Variants in ARHGEF15 observed in about 807,000 individuals in gnomAD.
ARHGEF15 encodes the protein Rho guanine nucleotide exchange factor 15.
A neutral mutation model predicts 79.7 loss-of-function variants in ARHGEF15; 58 were observed. The ratio of observed to expected loss-of-function variants is 0.73; its 90% CI spans 0.59 to 0.91. ARHGEF15 has a LOEUF of 0.91. ARHGEF15 is among the 40% of genes least tolerant of loss of function. The probability of loss-of-function intolerance (pLI) is 0.00; values close to 1 mark genes in which losing one functional copy is unlikely to be tolerated. For synonymous variants in ARHGEF15, 442 were observed against 456.0 expected (o/e 0.97, Z 0.39); for missense variants, 1,012 against 1,108.1 (o/e 0.91, Z 1.23).
In ARHGEF15 at chr17:8,318,755, G is replaced by T; in HGVS notation, c.1878G>T (p.Leu626=). Residue 626 remains leucine, a synonymous_variant, in exon 12 of 16, where the codon CTG becomes CTT. Coordinates refer to ENST00000361926, the MANE Select transcript of ARHGEF15 (RefSeq NM_173728.4). This position sits in a 1 kb window ranked among gnomAD's most constrained non-coding sequence, Gnocchi z 5.0. ...CTGCCTCCGCTTCCTCGCAGGCCCT[G>T]CCCCTGGTCTCCTGGTCACGGCGCC... The part of the protein sequence containing the change: ...QRLRFHKVKA[L]PLVSWSRRLE... The T allele has an allele frequency of 6.2e-7, 1 of 1,612,818 alleles. No individual in the cohort carries two copies. The highest frequency in any genetic ancestry group is 8.5e-7 in the Non-Finnish European group (1 of 1,179,758).
At chr17:8,314,401 T>C (rs1167940650) in intron 4 of ARHGEF15, among the ~76,000 whole-genome samples, 1 of 152,000 alleles carries the variant, frequency 6.6e-6, no homozygotes, top group Non-Finnish European at 1.5e-5. Context: ...GCAGGGGAGA[T>C]AAGGGGCTGC....
At chr17:8,320,211 C>T (rs1010513676) in intron 15 of ARHGEF15, among the ~76,000 whole-genome samples, 5 of 150,516 alleles carry the variant, frequency 3.3e-5, no homozygotes, top group African/African-American at 7.4e-5. Context: ...AGGAGGCAGA[C>T]GATAAAGAAT....
rs1460173209 is a variant in ARHGEF15 at position 8,314,973 on chromosome 17, C to G, written c.1048+9C>G. On this transcript the variant is annotated intron_variant, in intron 5 of 15. Transcript: ENST00000361926. ...GCTGCCCCTGCAGGATGGTGAGGGC[C>G]TCTGGACCTGAGGGTCCCTGCTGTG... 33 of 1,613,896 alleles carry G rather than the reference C, an allele frequency of 2.0e-5. No individual in the cohort carries two copies. The highest frequency in any genetic ancestry group is 2.7e-5 in the Non-Finnish European group (32 of 1,179,978).
rs1405270685 is a variant in ARHGEF15 at position 8,322,176 on chromosome 17, A to T, written c.*1183A>T. The T allele has an allele frequency of 1.0e-4, 16 of 152,708 alleles. No homozygotes were observed. Among genetic ancestry groups the T allele is most frequent in the African/African-American group, 3.9e-4 (16 of 41,464 alleles). 9.5% of individuals were successfully genotyped at this position (152,708 alleles called of 1,614,324 possible). On this transcript the variant is annotated 3_prime_UTR_variant, in exon 16 of 16. Coordinates refer to ENST00000361926, the MANE Select transcript of ARHGEF15 (RefSeq NM_173728.4). ...ACACTGGGCCAAACAGTGGGGAGAG[A>T]TTGGAGAGCGGGTGTGGCTGCCCAA...
chr17:8,319,604 G>T lies in ARHGEF15; in HGVS notation c.2374+1G>T. ...AAACACCTGCACAAGACCCCTGAAG[G>T]TGAGAAAGTCTTTCATTTATTTATT... On this transcript the variant is annotated splice_donor_variant, in intron 15 of 15. Transcript: ENST00000361926. LOFTEE classifies it high-confidence loss of function. The T allele has an allele frequency of 6.4e-7, 1 of 1,554,618 alleles. No homozygotes were observed. The highest frequency in any genetic ancestry group is 8.6e-7 in the Non-Finnish European group (1 of 1,158,528).
chr17:8,319,945 CTT>C (rs33999460), intron 15 of ARHGEF15, among the ~76,000 whole-genome samples: 2 of 140,474 alleles, frequency 1.4e-5, no homozygotes, highest in Non-Finnish European at 3.1e-5. Context: ...TATTTCTATT[CTT>C]TTTTTTTTTT....
Position 8,315,182 on chromosome 17 carries a change from C to CCTGGACCT in ARHGEF15, c.1167_1174dup (p.Arg392LeufsTer38). On this transcript the variant is annotated frameshift_variant, in exon 6 of 16. Transcript: ENST00000361926. LOFTEE classifies it high-confidence loss of function. This position sits in a 1 kb window ranked among gnomAD's most constrained non-coding sequence, Gnocchi z 4.3. ...AGATGCACCCACCTTCCCACGACCC[C>CCTGGACCT]CTGGACCTCGCAACACCCTGTGGCA... 2.5e-6 allele frequency: 4 copies of CCTGGACCT among 1,614,036 alleles called. No individual in the cohort carries two copies. Among genetic ancestry groups the CCTGGACCT allele is most frequent in the Non-Finnish European group, 3.4e-6 (4 of 1,180,006 alleles).
chr17:8,319,389 A>C lies in ARHGEF15; in HGVS notation c.2264A>C (p.Asp755Ala). The change falls in exon 14 of 16, where the codon GAC (aspartate) becomes GCC (alanine). Residue 755 changes from aspartate (D) to alanine (A), a missense_variant. Asp to Ala is a moderately radical substitution (Grantham distance 126). Around this residue, in one of 3 missense-constraint regions of ARHGEF15, gnomAD observed 132 missense variants for 124.2 expected, o/e 1.06. Transcript: ENST00000361926. ...LPCSPDTIYE[D>A]CDCSQELCSE... Reference sequence around the variant, plus strand: ...TGCTCCCCAGACACCATCTATGAGGACTGTGGTGAGTATCCCCCTAGAGGG... The same window carrying C: ...TGCTCCCCAGACACCATCTATGAGGCCTGTGGTGAGTATCCCCCTAGAGGG... 6.2e-7 allele frequency: 1 copy of C among 1,613,566 alleles called. No individual in the cohort carries two copies. Among genetic ancestry groups the C allele is most frequent in the Non-Finnish European group, 8.5e-7 (1 of 1,179,780 alleles).
chr17:8,315,650 G>C lies in ARHGEF15; in HGVS notation c.1421+76G>C, dbSNP rs879894596. On this transcript the variant is annotated intron_variant, in intron 7 of 15. Coordinates refer to ENST00000361926, the MANE Select transcript of ARHGEF15 (RefSeq NM_173728.4). This position sits in a 1 kb window ranked among gnomAD's most constrained non-coding sequence, Gnocchi z 4.3. The stretch of plus-strand genomic sequence containing the variant: ...CGCCCTTTCCTCTCTCCCGGGCCCA[G>C]GTCCTTCCTTCTACGGACCCAGTTA... 3.1e-6 allele frequency: 5 copies of C among 1,592,698 alleles called. No homozygotes were observed. The highest frequency in any genetic ancestry group is 4.3e-6 in the Non-Finnish European group (5 of 1,171,752).
Position 8,315,568 on chromosome 17 carries a change from G to C in ARHGEF15, c.1415G>C (p.Ser472Thr). Residue 472 changes from serine to threonine, a missense_variant, in exon 7 of 16, where the codon AGC (serine) becomes ACC (threonine). Ser to Thr is a moderately conservative substitution (Grantham distance 58). Around this residue, in one of 3 missense-constraint regions of ARHGEF15, gnomAD observed 818 missense variants for 882.5 expected, o/e 0.93. Transcript: ENST00000361926. The surrounding 1 kb of genome is among the most constrained non-coding windows in gnomAD (Gnocchi z 4.3). ...FSNVQRVQGV[S>T]ERFLATLLSR... ...AATGTGCAGCGAGTCCAGGGAGTCA[G>C]CGAGCGGTCAGTGGCTTTCCGTCCT... The C allele has an allele frequency of 6.2e-7, 1 of 1,608,232 alleles. No individual in the cohort carries two copies. Among genetic ancestry groups the C allele is most frequent in the Admixed American group, 1.7e-5 (1 of 60,014 alleles).
At position 8,317,615 on chromosome 17, in the gene ARHGEF15, G is replaced by A. The variant is rs148353771; in HGVS notation, c.1705-772G>A. 2.4e-4 allele frequency among the ~76,000 whole-genome samples: 36 copies of A among 152,276 alleles called. No homozygotes were observed. In the East Asian group the frequency reaches 6.2e-3, roughly 26 times the overall value. ...TATGTGAGGGTAGGAACTATTACTT[G>A]TCCTACTTTAGACATGAGAAAGCTA... is the stretch of plus-strand genomic sequence containing the variant. On this transcript the variant is annotated intron_variant, in intron 9 of 15. Coordinates refer to ENST00000361926, the MANE Select transcript of ARHGEF15 (RefSeq NM_173728.4).
Position 8,321,123 on chromosome 17 carries a change from C to A in ARHGEF15, c.*130C>A. On this transcript the variant is annotated 3_prime_UTR_variant, in exon 16 of 16. Coordinates refer to ENST00000361926, the MANE Select transcript of ARHGEF15 (RefSeq NM_173728.4). ...TCTCGTGGCAACCATAGAGATCGAG[C>A]TTCAGGACAGAGCAGCCAATGAAAA... The A allele has an allele frequency of 1.5e-6, 2 of 1,319,184 alleles. No homozygotes were observed. The highest frequency in any genetic ancestry group is 2.1e-6 in the Non-Finnish European group (2 of 958,326). 81.7% of individuals were successfully genotyped at this position (1,319,184 alleles called of 1,614,324 possible). A position where few individuals can be genotyped will look rare whatever the true frequency, so the allele number is the denominator to read the frequency against.
Position 8,315,220 on chromosome 17 carries a change from T to A in ARHGEF15, c.1203T>A (p.Ala401=), listed in dbSNP as rs752902106. 1 of 1,613,676 alleles carries A rather than the reference T, an allele frequency of 6.2e-7. No homozygotes were observed. The highest frequency in any genetic ancestry group is 2.2e-5 in the East Asian group (1 of 44,868). Residue 401 remains alanine (A), a synonymous_variant, in exon 6 of 16, where the codon GCT becomes GCA. Transcript: ENST00000361926. The surrounding 1 kb of genome is among the most constrained non-coding windows in gnomAD (Gnocchi z 4.3). ...ACACCCTGTGGCAGGAGCTTCCGGC[T>A]GTGCAAGCCAGCGGTCTTCTGGATA... The part of the protein sequence containing the change: ...PRNTLWQELP[A]VQASGLLDTL...
In ARHGEF15 at chr17:8,315,431, G is replaced by A. The variant is rs8067778; in HGVS notation, c.1278G>A (p.Val426=). The A allele has an allele frequency of 2.3e-3, 3,637 of 1,613,932 alleles. 72 individuals carry two copies. In the African/African-American group the frequency reaches 0.042, roughly 19 times the overall value. ...RRMQESLFEV[V]TSEASYLRSL... The stretch of plus-strand genomic sequence containing the variant: ...CTTTCTAGAGTCTTTTCGAGGTGGT[G>A]ACGTCCGAGGCTTCCTACCTGCGCT... The change falls in exon 7 of 16, where the codon GTG becomes GTA. Residue 426 remains valine (V), a synonymous_variant. Transcript: ENST00000361926. The surrounding 1 kb of genome is among the most constrained non-coding windows in gnomAD (Gnocchi z 4.3).
At chr17:8,312,835 G>A in intron 2 of ARHGEF15, 87 bp from the exon 3 acceptor site, 2 of 1,563,262 alleles carry the variant, frequency 1.3e-6, no homozygotes, top group South Asian at 2.2e-5. Context: ...TATTGCAGTT[G>A]CTGGGCAGGT....
intron 4 of ARHGEF15, 27 bp from the exon 5 acceptor site, chr17:8,314,879 G>T: frequency 6.2e-7 from 1 of 1,612,922 alleles, no homozygotes; most frequent in South Asian, 1.1e-5. Flanking sequence ...TGGCCCTGGG[G>T]ACTTCCTTCC....
chr17:8,310,822 A>T (rs1376709933), intron 1 of ARHGEF15: 2 of 149,762 alleles, frequency 1.3e-5, no homozygotes, highest in African/African-American at 2.5e-5. Context: ...GCCCCTACTC[A>T]CTCAGCCCTG....
chr17:8,315,416 T>C lies in ARHGEF15; in HGVS notation c.1263T>C (p.Ser421=), dbSNP rs1904948323. The C allele has an allele frequency of 6.2e-7, 1 of 1,613,442 alleles. No individual in the cohort carries two copies. The highest frequency in any genetic ancestry group is 1.3e-5 in the African/African-American group (1 of 74,730). Reference sequence around the variant, plus strand: ...CGACTGCCTGCTTTTCTTTCTAGAGTCTTTTCGAGGTGGTGACGTCCGAGG... The same window carrying C: ...CGACTGCCTGCTTTTCTTTCTAGAGCCTTTTCGAGGTGGTGACGTCCGAGG... ...LSPQERRMQE[S]LFEVVTSEAS... Residue 421 remains serine, a splice_region_variant and synonymous_variant, in exon 7 of 16, where the codon AGT becomes AGC. Coordinates refer to ENST00000361926, the MANE Select transcript of ARHGEF15 (RefSeq NM_173728.4). The surrounding 1 kb of genome is among the most constrained non-coding windows in gnomAD (Gnocchi z 4.3).
rs1477654182 is a variant in ARHGEF15, at chr17:8,315,823, A to G, written c.1490A>G (p.His497Arg). Residue 497 changes from histidine to arginine, a missense_variant, in exon 8 of 16, where the codon CAT becomes CGT. By Grantham distance (29) the His-to-Arg change is conservative. Around this residue, in one of 3 missense-constraint regions of ARHGEF15, gnomAD observed 818 missense variants for 882.5 expected, o/e 0.93. Transcript: ENST00000361926. The surrounding 1 kb of genome is among the most constrained non-coding windows in gnomAD (Gnocchi z 4.3). ...ATCAGCGACTTGTGTGATGTGGTGC[A>G]TGCCCACGCTGTGGGGCCTTTCTCG... Reference protein sequence around the residue: ...PHISDLCDVVHAHAVGPFSVY... With the variant: ...PHISDLCDVVRAHAVGPFSVY... The G allele has an allele frequency of 6.2e-7, 1 of 1,611,650 alleles. No individual in the cohort carries two copies. The highest frequency in any genetic ancestry group is 8.5e-7 in the Non-Finnish European group (1 of 1,179,780).
Sources: gnomAD v4.1 joint callset for allele counts (sites outside exome capture counted in the v4.1 genomes callset) on GRCh38, gnomAD v4.1.1 for gene constraint, gnomAD v4.1.1 regional missense constraint, Gnocchi (gnomAD v3.1) non-coding constraint, MANE v1.5 for transcripts, NCBI Gene and HGNC (gene_info 2026-07-23, HGNC 2026-07-21) for gene names.